KLF13: variants seen among roughly 807,000 people sequenced by gnomAD.
KLF13 encodes the protein KLF transcription factor 13, also known as Krueppel-like factor 13.
A neutral mutation model predicts 16.7 loss-of-function variants in KLF13; 8 were observed. The observed-to-expected ratio is 0.48, with a 90% confidence interval of 0.28 to 0.87. The LOEUF is 0.87. KLF13 is among the 40% of genes least tolerant of loss of function. The pLI is 0.10. For synonymous variants in KLF13, 245 were observed against 208.4 expected, an observed-to-expected ratio of 1.18 and a Z score of -1.51; for missense variants, 447 against 452.2, an observed-to-expected ratio of 0.99 and a Z score of 0.10.
chr15:31,327,183 A>AGAGCACCGCCGCCGGCCC lies in KLF13; in HGVS notation c.-29_-12dup. On this transcript the variant is annotated 5_prime_UTR_variant, in exon 1 of 2. Coordinates refer to ENST00000307145, the MANE Select transcript of KLF13 (RefSeq NM_015995.4). The stretch of plus-strand genomic sequence containing the variant: ...GATGCGCGGCTGACGACTCGCAGCA[A>AGAGCACCGCCGCCGGCCC]GAGCACCGCCGCCGGCCCCAGCCCG... 7.8e-7 allele frequency: 1 copy of AGAGCACCGCCGCCGGCCC among 1,288,072 alleles called. No individual in the cohort carries two copies. The highest frequency in any genetic ancestry group is 4.3e-5 in the Admixed American group (1 of 23,042). The allele number at this position is 1,288,072 out of a possible 1,614,324, so 79.8% of individuals were successfully genotyped here.
chr15:31,372,308 C>T lies in KLF13; in HGVS notation c.*9C>T. On this transcript the variant is annotated 3_prime_UTR_variant, in exon 2 of 2. Transcript: ENST00000307145. ...CGGCCAGCTCGCCCTGAGCCCGCCACAGCCATGAGCAGCCGCTCCCACCCC... is the reference window on the plus strand; with the variant it reads ...CGGCCAGCTCGCCCTGAGCCCGCCATAGCCATGAGCAGCCGCTCCCACCCC... 1 of 1,454,810 alleles carries T rather than the reference C, an allele frequency of 6.9e-7. No individual in the cohort carries two copies. Among genetic ancestry groups the T allele is most frequent in the Non-Finnish European group, 9.0e-7 (1 of 1,107,762 alleles). The allele number at this position is 1,454,810 out of a possible 1,614,324, so 90.1% of individuals were successfully genotyped here.
At chr15:31,357,972 A>C (rs1198650832) in intron 1 of KLF13, among the ~76,000 whole-genome samples, 1 of 152,022 alleles carries the variant, frequency 6.6e-6, no homozygotes, top group Non-Finnish European at 1.5e-5. Flanking sequence ...TTGTAGTGGG[A>C]TCTGGGGCTG....
intron 1 of KLF13, chr15:31,420,702 T>G: frequency 3.1e-6 from 1 of 318,412 alleles, no homozygotes; most frequent in South Asian, 2.8e-5. Flanking sequence ...TTTCTTTTTT[T>G]TTTTTTTTGA....
chr15:31,336,140 C>T (rs1359660800), intron 1 of KLF13, among the ~76,000 whole-genome samples: 1 of 152,236 alleles, frequency 6.6e-6, no homozygotes, highest in African/African-American at 2.4e-5. Flanking sequence ...AGCAGCCTGG[C>T]GAGTGGTCAG....
At chr15:31,328,481 G>C (rs1459081387) in intron 1 of KLF13, among the ~76,000 whole-genome samples, 5 of 151,936 alleles carry the variant, frequency 3.3e-5, no homozygotes, top group African/African-American at 1.2e-4. Flanking sequence ...GGCCCGGCGG[G>C]GGCGCGCCCG....
chr15:31,349,565 G>A (rs548765923), intron 1 of KLF13, among the ~76,000 whole-genome samples: 1 of 152,240 alleles, frequency 6.6e-6, no homozygotes, highest in Admixed American at 6.5e-5. Flanking sequence ...TAGTCAGCTT[G>A]CCTCTGATAC....
intron 1 of KLF13, among the ~76,000 whole-genome samples, chr15:31,346,944 G>T (rs1306772310): frequency 6.6e-6 from 1 of 152,184 alleles, no homozygotes; most frequent in East Asian, 1.9e-4. Context: ...GCAGCGTAGG[G>T]TCCTGAGTCT....
At chr15:31,419,430 A>G (rs1196928776) in intron 1 of KLF13, among the ~76,000 whole-genome samples, 1 of 152,200 alleles carries the variant, frequency 6.6e-6, no homozygotes, top group Admixed American at 6.5e-5. Flanking sequence ...CCAGAAAACA[A>G]TGCATTAACA....
intron 1 of KLF13, among the ~76,000 whole-genome samples, chr15:31,347,405 A>G (rs2039140272): frequency 1.3e-5 from 2 of 152,146 alleles, no homozygotes; most frequent in African/African-American, 4.8e-5. Flanking sequence ...AGAGCTACCC[A>G]GGCTTTGCCG....
chr15:31,383,107 C>T (rs1450169391), intron 1 of KLF13, among the ~76,000 whole-genome samples: 4 of 152,234 alleles, frequency 2.6e-5, no homozygotes, highest in Non-Finnish European at 5.9e-5. Flanking sequence ...AAGAGGGGTC[C>T]TCATCTCAAC....
chr15:31,419,326 G>C (rs969199187), intron 1 of KLF13, among the ~76,000 whole-genome samples: 2 of 152,000 alleles, frequency 1.3e-5, no homozygotes, highest in African/African-American at 2.4e-5. Flanking sequence ...TAAACAAAGA[G>C]ATCAATTAAT....
chr15:31,346,125 C>T (rs987104402), intron 1 of KLF13, among the ~76,000 whole-genome samples: 50 of 152,192 alleles, frequency 3.3e-4, no homozygotes, highest in African/African-American at 9.2e-4. Context: ...AGAACCCTGA[C>T]GGGAACCCAG....
In KLF13 at chr15:31,372,225, C is replaced by A; in HGVS notation, c.793C>A (p.Arg265=). The change falls in exon 2 of 2, where the codon CGG becomes AGG. Residue 265 remains arginine, a synonymous_variant. Coordinates refer to ENST00000307145, the MANE Select transcript of KLF13 (RefSeq NM_015995.4). The part of the protein sequence containing the change: ...GMLQRRGGGS[R]TGSLSDYSRS... The stretch of plus-strand genomic sequence containing the variant: ...GCTGCAGCGGCGCGGCGGGGGCTCG[C>A]GGACCGGCTCCCTCAGCGACTACAG... 1 of 1,595,282 alleles carries A rather than the reference C, an allele frequency of 6.3e-7. No homozygotes were observed. The highest frequency in any genetic ancestry group is 8.5e-7 in the Non-Finnish European group (1 of 1,174,162).
chr15:31,396,152 A>G (rs1427549234), intron 2 of KLF13, among the ~76,000 whole-genome samples: 1 of 152,080 alleles, frequency 6.6e-6, no homozygotes, highest in African/African-American at 2.4e-5. Context: ...CAGCCTCTTG[A>G]GTAGCTGGGA....
rs778840451 is a variant in KLF13, at chr15:31,327,650, C to G, written c.438C>G (p.Gly146=). 3 of 1,463,198 alleles carry G rather than the reference C, an allele frequency of 2.1e-6. No individual in the cohort carries two copies. Among genetic ancestry groups the G allele is most frequent in the Non-Finnish European group, 2.7e-6 (3 of 1,098,494 alleles). 90.6% of individuals were successfully genotyped at this position (1,463,198 alleles called of 1,614,324 possible). ...EPGPAGSGEP[G]LRQRVRRGRS... is the part of the protein sequence containing the mutation. ...GGCCCGCGGGGAGCGGCGAGCCCGGCCTCAGACAAAGGGTCCGGCGGGGCC... is the reference window on the plus strand; with the variant it reads ...GGCCCGCGGGGAGCGGCGAGCCCGGGCTCAGACAAAGGGTCCGGCGGGGCC... The change falls in exon 1 of 2, where the codon GGC becomes GGG. Residue 146 remains glycine, a synonymous_variant. Coordinates refer to ENST00000307145, the MANE Select transcript of KLF13 (RefSeq NM_015995.4).
intron 1 of KLF13, among the ~76,000 whole-genome samples, chr15:31,365,283 C>T (rs1220805534): frequency 6.6e-6 from 1 of 152,236 alleles, no homozygotes; most frequent in Non-Finnish European, 1.5e-5. Context: ...CAGATACACA[C>T]CCACATGGAC....
intron 1 of KLF13, among the ~76,000 whole-genome samples, chr15:31,357,460 G>A (rs2039317528): frequency 6.6e-6 from 1 of 152,214 alleles, no homozygotes; most frequent in Non-Finnish European, 1.5e-5. Context: ...CAGCGACGGT[G>A]GCCTCCTGTG....
chr15:31,342,603 G>T (rs1255256896), intron 1 of KLF13, among the ~76,000 whole-genome samples: 7 of 152,210 alleles, frequency 4.6e-5, no homozygotes, highest in Non-Finnish European at 8.8e-5. Context: ...TGCTATTTTT[G>T]TGTCTCGCCT....
chr15:31,399,493 G>A (rs1381978148), intron 2 of KLF13, among the ~76,000 whole-genome samples: 1 of 152,156 alleles, frequency 6.6e-6, no homozygotes. Flanking sequence ...AGTCAGCTGT[G>A]CCAAACCACC....
Sources: gnomAD v4.1 joint callset for allele counts (sites outside exome capture counted in the v4.1 genomes callset) on GRCh38, gnomAD v4.1.1 for gene constraint, MANE v1.5 for transcripts, NCBI Gene and HGNC (gene_info 2026-07-23, HGNC 2026-07-21) for gene names.